Variants in CYFIP1 observed in about 807,000 individuals in gnomAD.
The protein encoded by CYFIP1 is cytoplasmic FMR1 interacting protein 1, also known as cytoplasmic FMR1-interacting protein 1.
In CYFIP1, 58 loss-of-function variants were observed where a neutral mutation model predicts 163.5. The observed-to-expected ratio is 0.35, with a 90% CI of 0.29 to 0.44. CYFIP1 has a LOEUF of 0.44. CYFIP1 is among the 20% of genes least tolerant of loss of function. The probability of loss-of-function intolerance (pLI) is 1.00; values close to 1 mark genes in which losing one functional copy is unlikely to be tolerated. For missense variants in CYFIP1, 1,338 were observed against 1,653.8 expected, an observed-to-expected ratio of 0.81 and a Z score of 3.31; for synonymous variants, 663 against 660.7, an observed-to-expected ratio of 1.00 and a Z score of -0.05.
chr15:22,867,580 C>T lies in CYFIP1; in HGVS notation c.*2448G>A, dbSNP rs151160530. ...CCATGATGCCTGGAACCTTGATTAC[C>T]GTTTTACATCAGCTCTTGTACTTTT... On this transcript the variant is annotated 3_prime_UTR_variant, in exon 31 of 31. Transcript: ENST00000617928. 1.0e-3 allele frequency: 193 copies of T among 186,732 alleles called. No homozygotes were observed. Among genetic ancestry groups the T allele is most frequent in the African/African-American group, 4.5e-3 (188 of 42,052 alleles). The allele number at this position is 186,732 out of a possible 1,614,324, so 11.6% of individuals were successfully genotyped here. A position where few individuals can be genotyped will look rare whatever the true frequency, so the allele number is the denominator to read the frequency against.
chr15:22,976,939 C>G (rs2063301591), intron 1 of CYFIP1, among the ~76,000 whole-genome samples: 1 of 152,156 alleles, frequency 6.6e-6, no homozygotes, highest in South Asian at 2.1e-4. Flanking sequence ...GTGGCTCACG[C>G]CTATAATCCT....
chr15:22,951,719 G>A (rs545001812), intron 1 of CYFIP1, among the ~76,000 whole-genome samples: 2 of 152,276 alleles, frequency 1.3e-5, no homozygotes, highest in South Asian at 2.1e-4. Context: ...CTGACCCCGC[G>A]CAGCACCCAC....
chr15:22,873,307 G>C (rs2059488651), intron 29 of CYFIP1, among the ~76,000 whole-genome samples, 184 bp downstream of exon 29: 1 of 152,050 alleles, frequency 6.6e-6, no homozygotes, highest in Admixed American at 6.6e-5. Flanking sequence ...CTGAATACTA[G>C]AGTCCTGAGT....
rs2061564116 is a variant in CYFIP1, at chr15:22,932,287, A to G, written c.1046T>C (p.Met349Thr). 1.9e-6 allele frequency: 3 copies of G among 1,613,032 alleles called. No homozygotes were observed. Among genetic ancestry groups the G allele is most frequent in the Non-Finnish European group, 2.5e-6 (3 of 1,179,618 alleles). The change falls in exon 11 of 31, where the codon ATG becomes ACG. Residue 349 changes from methionine (M) to threonine (T), a missense_variant. This residue lies in a region of CYFIP1 where 824 missense variants were observed against 995.7 expected (regional missense o/e 0.83). Coordinates refer to ENST00000617928, the MANE Select transcript of CYFIP1 (RefSeq NM_014608.6). The part of the protein sequence containing the change: ...SSPQYNICEQ[M>T]IQIREDHMRF... ...CATGTGGTCCTCGCGGATCTGGATC[A>G]TCTGCTCGCAGATGTTGTACTGAGG...
intron 3 of CYFIP1, 83 bp from the exon 4 acceptor site, chr15:22,945,022 A>G: frequency 7.9e-7 from 1 of 1,269,852 alleles, no homozygotes; most frequent in Non-Finnish European, 1.2e-6. Flanking sequence ...ATCCAGACAA[A>G]GCGCCACAAA....
At chr15:22,903,243 C>T (rs2060456901) in intron 22 of CYFIP1, among the ~76,000 whole-genome samples, 1 of 152,168 alleles carries the variant, frequency 6.6e-6, no homozygotes, top group Admixed American at 6.5e-5. Flanking sequence ...GAATGACCGC[C>T]ACCCGGTGTG....
Position 22,868,266 on chromosome 15 carries a change from G to GTT in CYFIP1, c.*1760_*1761dup, listed in dbSNP as rs1555392444. On this transcript the variant is annotated 3_prime_UTR_variant, in exon 31 of 31. Transcript: ENST00000617928. ...AATACTACAGATGTACTACGTATCT[G>GTT]TTTATATACTGTACCTACATCTGTG... 9.2e-5 allele frequency: 14 copies of GTT among 152,290 alleles called. No individual in the cohort carries two copies. In the East Asian group the frequency reaches 2.7e-3, roughly 29 times the overall value. The allele number at this position is 152,290 out of a possible 1,614,324, so 9.4% of individuals were successfully genotyped here.
intron 22 of CYFIP1, among the ~76,000 whole-genome samples, chr15:22,895,016 ATTT>A (rs748636744): frequency 1.5e-5 from 2 of 137,672 alleles, no homozygotes. Flanking sequence ...TGCCTGGCTA[ATTT>A]TTTTTTTTTT....
chr15:22,927,212 G>A (rs1020132144), intron 12 of CYFIP1, among the ~76,000 whole-genome samples: 1 of 152,064 alleles, frequency 6.6e-6, no homozygotes, highest in Non-Finnish European at 1.5e-5. Flanking sequence ...AGGTGCGGTG[G>A]CTCAAGCCTG....
chr15:22,958,154 C>T (rs542224839), intron 1 of CYFIP1, among the ~76,000 whole-genome samples: 29 of 150,470 alleles, frequency 1.9e-4, no homozygotes, highest in Non-Finnish European at 3.5e-4. Flanking sequence ...GGCGCAATCT[C>T]GGCTCACTGC....
At chr15:22,973,997 T>G (rs1015971788) in intron 1 of CYFIP1, among the ~76,000 whole-genome samples, 1 of 152,168 alleles carries the variant, frequency 6.6e-6, no homozygotes, top group Non-Finnish European at 1.5e-5. Flanking sequence ...CCTGTCAGAC[T>G]GGCTCTTGTC....
In CYFIP1 at chr15:22,975,564, C is replaced by T. The variant is rs1261463356; in HGVS notation, c.-7+4723G>A. Reference sequence around the variant, plus strand: ...TCACCTGAGGTCAGGAGGTCGAGATCAGCCTGACCAACACAGTGAAACCCC... The same window carrying T: ...TCACCTGAGGTCAGGAGGTCGAGATTAGCCTGACCAACACAGTGAAACCCC... On this transcript the variant is annotated intron_variant, in intron 1 of 30. Coordinates refer to ENST00000617928, the MANE Select transcript of CYFIP1 (RefSeq NM_014608.6). 3.3e-5 allele frequency among the ~76,000 whole-genome samples: 5 copies of T among 151,506 alleles called. No homozygotes were observed. The East Asian group carries it at 9.7e-4, about 29-fold the overall frequency.
At chr15:22,942,451 C>T (rs1207564036) in intron 6 of CYFIP1, among the ~76,000 whole-genome samples, 1 of 151,980 alleles carries the variant, frequency 6.6e-6, no homozygotes, top group Non-Finnish European at 1.5e-5. Flanking sequence ...TGTCACCAAA[C>T]GCCGGTCGGC....
intron 1 of CYFIP1, among the ~76,000 whole-genome samples, chr15:22,971,139 A>G (rs1476593830): frequency 6.6e-6 from 1 of 152,208 alleles, no homozygotes; most frequent in East Asian, 1.9e-4. Context: ...ACGCCTAAAC[A>G]TCGGATCTAA....
upstream of CYFIP1, among the ~76,000 whole-genome samples, chr15:22,980,666 G>A (rs28364574): frequency 0.054 from 8,224 of 152,104 alleles, 259 homozygotes; most frequent in Non-Finnish European, 0.07. Flanking sequence ...GAGCGCGAAG[G>A]AACGGGGTCC....
chr15:22,970,243 G>A (rs1431002469), intron 1 of CYFIP1, among the ~76,000 whole-genome samples: 1 of 152,068 alleles, frequency 6.6e-6, no homozygotes, highest in Non-Finnish European at 1.5e-5. Flanking sequence ...ATATAATCAA[G>A]GAGGTGAAAG....
At chr15:22,959,126 C>T (rs1468153587) in intron 1 of CYFIP1, among the ~76,000 whole-genome samples, 1 of 152,158 alleles carries the variant, frequency 6.6e-6, no homozygotes, top group Non-Finnish European at 1.5e-5. Flanking sequence ...TCCATCAGCC[C>T]ACCTGGCAGA....
At chr15:22,881,802 C>G (rs149272907) in intron 25 of CYFIP1, 44 bp downstream of exon 25, 2 of 1,573,324 alleles carry the variant, frequency 1.3e-6, no homozygotes, top group Non-Finnish European at 1.7e-6. Context: ...TCCTTTCTGA[C>G]CTCTCCACAG....
Position 22,867,804 on chromosome 15 carries a change from T to C in CYFIP1, c.*2224A>G, listed in dbSNP as rs2059223124. 1 of 152,150 alleles carries C rather than the reference T, an allele frequency of 6.6e-6. No individual in the cohort carries two copies. Among genetic ancestry groups the C allele is most frequent in the African/African-American group, 2.4e-5 (1 of 41,428 alleles). The allele number at this position is 152,150 out of a possible 1,614,324, so 9.4% of individuals were successfully genotyped here. ...GTCTCTTTGTACCAAGTACTTTGCT[T>C]AAGAGCTCCTTTGGGCCACTACATA... On this transcript the variant is annotated 3_prime_UTR_variant, in exon 31 of 31. Coordinates refer to ENST00000617928, the MANE Select transcript of CYFIP1 (RefSeq NM_014608.6).
Sources: allele counts gnomAD v4.1 joint callset (sites outside exome capture counted in the v4.1 genomes callset), GRCh38; gene constraint gnomAD v4.1.1; regional missense constraint gnomAD v4.1.1; transcripts MANE v1.5; gene names NCBI Gene and HGNC (gene_info 2026-07-23, HGNC 2026-07-21).